SLC2A13: variants seen among roughly 807,000 people sequenced by gnomAD.
SLC2A13 encodes proton myo-inositol cotransporter.
In SLC2A13, 32 loss-of-function variants were observed where a neutral mutation model predicts 64.4. The ratio of observed to expected loss-of-function variants is 0.50; its 90% CI spans 0.37 to 0.67. SLC2A13 has a LOEUF of 0.67. Ranked by LOEUF, SLC2A13 falls within the 30% of genes least tolerant of loss-of-function variation. The pLI, the probability that SLC2A13 is intolerant of heterozygous loss-of-function variation, is 0.00. For synonymous variants in SLC2A13, 338 were observed against 327.1 expected, an observed-to-expected ratio of 1.03 and a Z score of -0.36; for missense variants, 743 against 829.2, an observed-to-expected ratio of 0.90 and a Z score of 1.28.
chr12:39,782,978 G>A (rs544773920), intron 7 of SLC2A13, among the ~76,000 whole-genome samples: 10 of 152,128 alleles, frequency 6.6e-5, no homozygotes, highest in African/African-American at 2.2e-4. Context: ...CCATTAACTC[G>A]TCATTTACAT....
intron 4 of SLC2A13, among the ~76,000 whole-genome samples, chr12:39,898,503 C>T (rs200420939): frequency 2.5e-5 from 1 of 40,056 alleles, no homozygotes; most frequent in East Asian, 3.3e-4. Flanking sequence ...CCACGCTTTT[C>T]CCCCCTCTAT....
Position 40,048,203 on chromosome 12 carries a change from A to G in SLC2A13, c.564T>C (p.Ala188=), listed in dbSNP as rs747016100. The part of the protein sequence containing the change: ...RLVVGLGIGI[A]SMTVPVYIAE... ...CAATGTACACTGGCACTGTCATAGA[A>G]GCAATGCCTATAAAAACAATGAAAA... The change falls in exon 2 of 10, where the codon GCT becomes GCC. Residue 188 remains alanine, a synonymous_variant. Transcript: ENST00000280871. 5.7e-6 allele frequency: 9 copies of G among 1,592,902 alleles called. No homozygotes were observed. In the East Asian group the frequency reaches 1.8e-4, roughly 32 times the overall value.
At chr12:39,926,479 G>T (rs555389903) in intron 4 of SLC2A13, among the ~76,000 whole-genome samples, 1 of 152,286 alleles carries the variant, frequency 6.6e-6, no homozygotes, top group East Asian at 1.9e-4. Context: ...AAATAAATGA[G>T]ATATGTGACA....
intron 7 of SLC2A13, among the ~76,000 whole-genome samples, chr12:39,790,682 G>C (rs1321794210): frequency 2.5e-4 from 26 of 104,974 alleles, no homozygotes; most frequent in Non-Finnish European, 4.3e-4. Flanking sequence ...ATAAACATAC[G>C]TGTGCATGTG....
chr12:40,042,486 CT>C (rs1231756719), intron 2 of SLC2A13, among the ~76,000 whole-genome samples: 1 of 152,060 alleles, frequency 6.6e-6, no homozygotes, highest in Non-Finnish European at 1.5e-5. Context: ...AACTAATTTT[CT>C]TTCTCTTATT....
At chr12:39,857,345 A>G (rs1194363166) in intron 6 of SLC2A13, among the ~76,000 whole-genome samples, 1 of 152,198 alleles carries the variant, frequency 6.6e-6, no homozygotes, top group Admixed American at 6.5e-5. Flanking sequence ...GCCTAAAATT[A>G]TGTTGCTAAG....
chr12:39,968,028 C>G (rs1263117397), intron 3 of SLC2A13, among the ~76,000 whole-genome samples: 1 of 152,202 alleles, frequency 6.6e-6, no homozygotes, highest in African/African-American at 2.4e-5. Context: ...CAGAAGCCAT[C>G]TGATACAAAT....
At position 39,790,617 on chromosome 12, in the gene SLC2A13, G is replaced by C. The variant is rs367851735; in HGVS notation, c.1446-25759C>G. The stretch of plus-strand genomic sequence containing the variant: ...GCCACATTTTCTTAATCCAGTCTAT[G>C]ATTGTTGGACATTTGGGTTGGTTCC... On this transcript the variant is annotated intron_variant, in intron 7 of 9. Coordinates refer to ENST00000280871, the MANE Select transcript of SLC2A13 (RefSeq NM_052885.4). Among the ~76,000 whole-genome samples the C allele has an allele frequency of 5.2e-3, 698 of 134,422 alleles. 6 individuals are homozygous for C. Among genetic ancestry groups the C allele is most frequent in the African/African-American group, 0.017 (614 of 35,284 alleles). The allele number at this position is 134,422 out of a possible 152,430, so 88.2% of individuals were successfully genotyped here. A position where few individuals can be genotyped will look rare whatever the true frequency, so the allele number is the denominator to read the frequency against.
intron 3 of SLC2A13, among the ~76,000 whole-genome samples, chr12:39,990,431 CCT>C (rs1947114644): frequency 6.6e-6 from 1 of 152,144 alleles, no homozygotes; most frequent in South Asian, 2.1e-4. Flanking sequence ...AGTGCATTCT[CCT>C]CTGAGTAAGA....
At position 39,883,545 on chromosome 12, in the gene SLC2A13, T is replaced by G. The variant is rs141477027; in HGVS notation, c.1035-11584A>C. Among the ~76,000 whole-genome samples the G allele has an allele frequency of 2.3e-3, 345 of 152,304 alleles. 1 individual carries two copies. Among genetic ancestry groups the G allele is most frequent in the African/African-American group, 7.8e-3 (324 of 41,574 alleles). On this transcript the variant is annotated intron_variant, in intron 4 of 9. Coordinates refer to ENST00000280871, the MANE Select transcript of SLC2A13 (RefSeq NM_052885.4). Reference sequence around the variant, plus strand: ...GGTGACAGTTTATTTAAAATTTTTCTCAGGAGGCTTAAGAGCCTGAGTGTG... The same window carrying G: ...GGTGACAGTTTATTTAAAATTTTTCGCAGGAGGCTTAAGAGCCTGAGTGTG...
At chr12:40,050,150 T>C (rs1948232070) in intron 1 of SLC2A13, among the ~76,000 whole-genome samples, 1 of 152,226 alleles carries the variant, frequency 6.6e-6, no homozygotes, top group African/African-American at 2.4e-5. Context: ...ATATTCTCTT[T>C]AGTTCTTTTA....
intron 4 of SLC2A13, among the ~76,000 whole-genome samples, chr12:39,932,783 AAAGCCTCT>A (rs1211950436): frequency 6.6e-6 from 1 of 152,114 alleles, no homozygotes; most frequent in Non-Finnish European, 1.5e-5. Context: ...AAGCAACTGA[AAAGCCTCT>A]AAGTTGAGAA....
At chr12:39,771,924 C>T (rs1331751477) in intron 7 of SLC2A13, among the ~76,000 whole-genome samples, 1 of 152,118 alleles carries the variant, frequency 6.6e-6, no homozygotes, top group Non-Finnish European at 1.5e-5. Context: ...ATCTCCTACT[C>T]ATGACGTTTC....
At chr12:40,076,902 T>C (rs1423297167) in intron 1 of SLC2A13, among the ~76,000 whole-genome samples, 2 of 152,198 alleles carry the variant, frequency 1.3e-5, no homozygotes, top group Non-Finnish European at 2.9e-5. Flanking sequence ...TCTGCATTTC[T>C]TTAATGATTA....
intron 4 of SLC2A13, among the ~76,000 whole-genome samples, chr12:39,884,206 C>T (rs73104987): frequency 0.085 from 12,986 of 152,014 alleles, 1,286 homozygotes; most frequent in African/African-American, 0.25. Context: ...TGGCCTCAAG[C>T]CACCCTTCTG....
rs766757270 is a variant in SLC2A13 at position 40,048,159 on chromosome 12, T to C, written c.608A>G (p.Asn203Ser). 2 of 1,613,462 alleles carry C rather than the reference T, an allele frequency of 1.2e-6. No individual in the cohort carries two copies. The highest frequency in any genetic ancestry group is 1.7e-6 in the Non-Finnish European group (2 of 1,179,746). Residue 203 changes from asparagine to serine, a missense_variant, in exon 2 of 10, where the codon AAT becomes AGT. By Grantham distance (46) the Asn-to-Ser change is conservative. Transcript: ENST00000280871. ...AATGGTGACTAATCGGCCTCTTAAA[T>C]TGGGTGGTGAGACCTCCGCAATGTA... Reference protein sequence around the residue: ...PVYIAEVSPPNLRGRLVTINT... With the variant: ...PVYIAEVSPPSLRGRLVTINT...
At position 39,802,865 on chromosome 12, in the gene SLC2A13, T is replaced by C. The variant is rs117401551; in HGVS notation, c.1445+27238A>G. On this transcript the variant is annotated intron_variant, in intron 7 of 9. Coordinates refer to ENST00000280871, the MANE Select transcript of SLC2A13 (RefSeq NM_052885.4). ...CAGATTGAGATTTCAATGAATAATCTAGGAACCTCCAAGTAGGGGAATTAA... is the reference window on the plus strand; with the variant it reads ...CAGATTGAGATTTCAATGAATAATCCAGGAACCTCCAAGTAGGGGAATTAA... Among the ~76,000 whole-genome samples, 80 of 152,192 alleles carry C rather than the reference T, an allele frequency of 5.3e-4. No homozygotes were observed. The East Asian group carries it at 9.5e-3, about 18-fold the overall frequency.
chr12:39,843,986 C>T (rs1042804543), intron 6 of SLC2A13, among the ~76,000 whole-genome samples: 4 of 151,880 alleles, frequency 2.6e-5, no homozygotes, highest in African/African-American at 9.7e-5. Context: ...ACACTCCACA[C>T]GTAGGTCATA....
intron 1 of SLC2A13, among the ~76,000 whole-genome samples, chr12:40,064,256 ATATAT>A (rs1197026642): frequency 1.3e-5 from 2 of 151,944 alleles, no homozygotes; most frequent in African/African-American, 2.4e-5. Flanking sequence ...TCTAAAATAT[ATATAT>A]TATATTATGT....
Sources: gnomAD v4.1 joint callset for allele counts (sites outside exome capture counted in the v4.1 genomes callset) on GRCh38, gnomAD v4.1.1 for gene constraint, MANE v1.5 for transcripts, NCBI Gene and HGNC (gene_info 2026-07-23, HGNC 2026-07-21) for gene names.